ANKS1B: variants seen among roughly 807,000 people sequenced by gnomAD.
ANKS1B encodes ankyrin repeat and sterile alpha motif domain-containing protein 1B.
Under a neutral mutation model 148.3 loss-of-function variants are expected in ANKS1B, and 36 were observed. That is an observed-to-expected ratio of 0.24 (90% CI 0.19 to 0.32). ANKS1B has a LOEUF of 0.32. Ranked by LOEUF, ANKS1B falls within the 10% of genes least tolerant of loss-of-function variation. ANKS1B has a pLI of 1.00. For synonymous variants in ANKS1B, 542 were observed against 560.8 expected, an observed-to-expected ratio of 0.97 and a Z score of 0.47; for missense variants, 1,157 against 1,542.6, an observed-to-expected ratio of 0.75 and a Z score of 4.19.
At chr12:99,927,442 ATATATATATGT>A (rs2094502249) in intron 1 of ANKS1B, among the ~76,000 whole-genome samples, 1 of 152,036 alleles carries the variant, frequency 6.6e-6, no homozygotes, top group African/African-American at 2.4e-5. Context: ...TTATTCAAAA[ATATATATATGT>A]TCCATATTTG....
At chr12:99,965,550 C>A (rs546090162) in intron 1 of ANKS1B, among the ~76,000 whole-genome samples, 2 of 152,140 alleles carry the variant, frequency 1.3e-5, no homozygotes, top group African/African-American at 4.8e-5. Flanking sequence ...TTATCAGCAA[C>A]GGGACAGATC....
chr12:98,849,230 TC>T (rs2099507616), intron 17 of ANKS1B, among the ~76,000 whole-genome samples: 1 of 151,244 alleles, frequency 6.6e-6, no homozygotes, highest in Non-Finnish European at 1.5e-5. Context: ...CCCCAGCATT[TC>T]TTTTTTTTTT....
intron 14 of ANKS1B, among the ~76,000 whole-genome samples, chr12:99,174,907 T>TC (rs2078203393): frequency 6.6e-6 from 1 of 152,208 alleles, no homozygotes; most frequent in African/African-American, 2.4e-5. Context: ...GCAAATAATA[T>TC]TTTATTCTCT....
At chr12:99,973,041 G>A (rs1311178703) in intron 1 of ANKS1B, among the ~76,000 whole-genome samples, 1 of 152,136 alleles carries the variant, frequency 6.6e-6, no homozygotes, top group Non-Finnish European at 1.5e-5. Context: ...CCAATGTTGA[G>A]ACCTACCACT....
chr12:99,884,043 A>G (rs1417730110), intron 1 of ANKS1B, among the ~76,000 whole-genome samples: 1 of 152,172 alleles, frequency 6.6e-6, no homozygotes, highest in African/African-American at 2.4e-5. Context: ...ACTTCACCAA[A>G]GAAGATACAT....
At chr12:99,584,319 GC>G (rs2097602425) in intron 9 of ANKS1B, among the ~76,000 whole-genome samples, 1 of 152,106 alleles carries the variant, frequency 6.6e-6, no homozygotes, top group South Asian at 2.1e-4. Context: ...CATACTATAG[GC>G]CAGGCACCAT....
At chr12:98,962,544 C>G (rs2099873242) in intron 17 of ANKS1B, among the ~76,000 whole-genome samples, 1 of 152,012 alleles carries the variant, frequency 6.6e-6, no homozygotes, top group Non-Finnish European at 1.5e-5. Context: ...ATGATCCAGA[C>G]AGAAAATCAA....
intron 10 of ANKS1B, among the ~76,000 whole-genome samples, chr12:99,501,090 T>C (rs1473546485): frequency 8.4e-6 from 1 of 118,476 alleles, no homozygotes; most frequent in East Asian, 2.2e-4. Context: ...TTTCTAAAAG[T>C]TTTTTTTTTC....
chr12:99,743,331 T>C (rs1204806502), intron 8 of ANKS1B, among the ~76,000 whole-genome samples: 1 of 152,218 alleles, frequency 6.6e-6, no homozygotes, highest in Non-Finnish European at 1.5e-5. Flanking sequence ...TTAGCATACA[T>C]GTAATTTACC....
At chr12:99,212,450 C>T (rs1555340749) in intron 14 of ANKS1B, among the ~76,000 whole-genome samples, 1 of 152,074 alleles carries the variant, frequency 6.6e-6, no homozygotes, top group Non-Finnish European at 1.5e-5. Context: ...TCTGACCTTG[C>T]CAGCTGACAG....
At chr12:99,201,677 G>A (rs1343338741) in intron 14 of ANKS1B, among the ~76,000 whole-genome samples, 1 of 152,144 alleles carries the variant, frequency 6.6e-6, no homozygotes, top group Non-Finnish European at 1.5e-5. Flanking sequence ...TGCTGCAAAG[G>A]AAGCCAAGTA....
At chr12:98,794,621 C>A in intron 22 of ANKS1B, 1 of 818,620 alleles carries the variant, frequency 1.2e-6, no homozygotes. Context: ...GAAGTGCGAT[C>A]CTCACAAAGT....
chr12:99,929,926 T>C lies in ANKS1B; in HGVS notation c.134+54178A>G, dbSNP rs1015822070. ...CCTTGTAGTATAGTTTGAAGTCAGG[T>C]AGCATGATGCCTCCAGCTTTGTTCT... is the stretch of plus-strand genomic sequence containing the variant. On this transcript the variant is annotated intron_variant, in intron 1 of 26. Coordinates refer to ENST00000683438, the MANE Select transcript of ANKS1B (RefSeq NM_001352186.2). Among the ~76,000 whole-genome samples, 13 of 152,218 alleles carry C rather than the reference T, an allele frequency of 8.5e-5. No individual in the cohort carries two copies. In the East Asian group the frequency reaches 2.5e-3, roughly 29 times the overall value.
intron 17 of ANKS1B, among the ~76,000 whole-genome samples, chr12:98,924,906 A>G (rs571507517): frequency 6.6e-6 from 1 of 152,374 alleles, no homozygotes; most frequent in Admixed American, 6.5e-5. Context: ...CTCAATGAGT[A>G]GAAGGCAAAG....
At chr12:99,229,423 A>T (rs1011298936) in intron 14 of ANKS1B, among the ~76,000 whole-genome samples, 7 of 151,832 alleles carry the variant, frequency 4.6e-5, no homozygotes, top group Non-Finnish European at 1.0e-4. Flanking sequence ...CTCCTGTTCA[A>T]TTGCTTCCTT....
intron 2 of ANKS1B, among the ~76,000 whole-genome samples, chr12:99,818,930 G>A (rs1001860958): frequency 6.6e-6 from 1 of 151,650 alleles, no homozygotes; most frequent in African/African-American, 2.4e-5. Flanking sequence ...AAATAAATTG[G>A]GAAGAGTCAA....
chr12:99,089,740 G>A (rs536992938), intron 15 of ANKS1B, among the ~76,000 whole-genome samples: 56 of 152,146 alleles, frequency 3.7e-4, no homozygotes, highest in Non-Finnish European at 7.6e-4. Context: ...GAAATTAGAA[G>A]GTTGTTCTAC....
At chr12:98,866,781 C>A (rs1371185677) in intron 17 of ANKS1B, among the ~76,000 whole-genome samples, 2 of 152,186 alleles carry the variant, frequency 1.3e-5, no homozygotes, top group African/African-American at 4.8e-5. Flanking sequence ...TTCCTCCTGC[C>A]CTTCCTCTCT....
intron 8 of ANKS1B, among the ~76,000 whole-genome samples, chr12:99,731,803 C>T (rs1282469123): frequency 6.6e-6 from 1 of 152,108 alleles, no homozygotes; most frequent in Non-Finnish European, 1.5e-5. Flanking sequence ...CACATAAAAA[C>T]TGTAAAACTG....
Sources: allele counts gnomAD v4.1 joint callset (sites outside exome capture counted in the v4.1 genomes callset), GRCh38; gene constraint gnomAD v4.1.1; transcripts MANE v1.5; gene names NCBI Gene and HGNC (gene_info 2026-07-23, HGNC 2026-07-21).